R3HDM1: variants seen among roughly 807,000 people sequenced by gnomAD.
R3HDM1 encodes the protein R3H domain-containing protein 1.
R3HDM1 carries 46 observed loss-of-function variants against 141.1 expected under a neutral mutation model. The observed-to-expected ratio is 0.33, with a 90% CI of 0.26 to 0.42. R3HDM1 has a LOEUF of 0.42. R3HDM1 is among the 10% of genes least tolerant of loss of function. The probability of loss-of-function intolerance (pLI) is 1.00; values close to 1 mark genes in which losing one functional copy is unlikely to be tolerated. For synonymous variants in R3HDM1, 435 were observed against 472.9 expected (o/e 0.92, Z 1.04); for missense variants, 1,184 against 1,368.3 (o/e 0.87, Z 2.12).
intron 1 of R3HDM1, among the ~76,000 whole-genome samples, chr2:135,598,585 A>G (rs1180806281): frequency 1.3e-5 from 2 of 152,162 alleles, no homozygotes; most frequent in South Asian, 2.1e-4. Context: ...CCTGTTTTCC[A>G]TACTTACTGG....
At chr2:135,560,710 A>T (rs1008421717) in intron 1 of R3HDM1, among the ~76,000 whole-genome samples, 1 of 152,202 alleles carries the variant, frequency 6.6e-6, no homozygotes, top group Admixed American at 6.5e-5. Context: ...TAGAGACTTG[A>T]GGTGCTTATC....
rs2067774114 is a variant in R3HDM1 at position 135,667,895 on chromosome 2, TG to T, written c.2152+6503del. 6.8e-6 allele frequency: 3 copies of T among 439,980 alleles called. No homozygotes were observed. In the Admixed American group the frequency reaches 1.9e-4, roughly 28 times the overall value. 27.3% of individuals were successfully genotyped at this position (439,980 alleles called of 1,614,324 possible). On this transcript the variant is annotated intron_variant, in intron 19 of 26. Transcript: ENST00000683871. ...TAACCTACAATGCCACTTCTCTAGG[TG>T]TCACTCTGTAACGGTTCATGCCCAG...
Position 135,641,803 on chromosome 2 carries a change from A to G in R3HDM1, c.1474+13A>G. ...AACCCACAAACAGGTTGGTATCCAG[A>G]AAAAGGTGTTTCAGGAATTATCTGA... On this transcript the variant is annotated intron_variant, in intron 15 of 26. Coordinates refer to ENST00000683871, the MANE Select transcript of R3HDM1 (RefSeq NM_001378107.1). 1 of 1,577,656 alleles carries G rather than the reference A, an allele frequency of 6.3e-7. No individual in the cohort carries two copies. The highest frequency in any genetic ancestry group is 8.6e-7 in the Non-Finnish European group (1 of 1,164,790).
chr2:135,532,216 G>A (rs1477926317), intron 1 of R3HDM1, among the ~76,000 whole-genome samples: 3 of 152,342 alleles, frequency 2.0e-5, no homozygotes, highest in African/African-American at 7.2e-5. Flanking sequence ...CATTTTCCCT[G>A]TGGTACCAGA....
chr2:135,620,317 T>TA (rs1296558886), intron 5 of R3HDM1: 15 of 892,764 alleles, frequency 1.7e-5, no homozygotes, highest in Non-Finnish European at 1.9e-5. Context: ...CATTTCTAGA[T>TA]ACCTGTTTTA....
At chr2:135,554,432 T>A (rs1700357639) in intron 1 of R3HDM1, among the ~76,000 whole-genome samples, 2 of 152,256 alleles carry the variant, frequency 1.3e-5, no homozygotes, top group African/African-American at 2.4e-5. Flanking sequence ...TTGGGTTGTT[T>A]CTGTTTTTTG....
chr2:135,706,040 A>G (rs2105425260), intron 21 of R3HDM1, among the ~76,000 whole-genome samples: 1 of 152,002 alleles, frequency 6.6e-6, no homozygotes, highest in African/African-American at 2.4e-5. Context: ...GAGGCAGGAG[A>G]ATGGTATGAA....
intron 20 of R3HDM1, among the ~76,000 whole-genome samples, chr2:135,678,899 AC>A (rs2069712476): frequency 6.6e-6 from 1 of 151,006 alleles, no homozygotes; most frequent in Admixed American, 6.6e-5. Context: ...AACTGGGACT[AC>A]AGGCACGCGC....
At chr2:135,572,083 A>G (rs900286747) in intron 1 of R3HDM1, among the ~76,000 whole-genome samples, 3 of 152,102 alleles carry the variant, frequency 2.0e-5, no homozygotes. Context: ...GGCTTCTCCC[A>G]GGTGGCTGGG....
chr2:135,651,317 A>C, intron 17 of R3HDM1: 2 of 983,874 alleles, frequency 2.0e-6, no homozygotes, highest in Non-Finnish European at 2.4e-6. Flanking sequence ...AGATAGTTTA[A>C]AGCAAATACT....
In R3HDM1 at chr2:135,715,649, C is replaced by G; in HGVS notation, c.2836C>G (p.Leu946Val). 1 of 1,613,878 alleles carries G rather than the reference C, an allele frequency of 6.2e-7. No individual in the cohort carries two copies. Among genetic ancestry groups the G allele is most frequent in the East Asian group, 2.2e-5 (1 of 44,864 alleles). Reference sequence around the variant, plus strand: ...AACTGTACGTCCCTCTGGACCACCACTTTCCATCATGCCCCAATTTTCTAG... The same window carrying G: ...AACTGTACGTCCCTCTGGACCACCAGTTTCCATCATGCCCCAATTTTCTAG... The part of the protein sequence containing the change: ...LKTVRPSGPP[L>V]SIMPQFSRPF... Residue 946 changes from leucine to valine, a missense_variant, in exon 24 of 27, where the codon CTT becomes GTT. Around this residue, in one of 5 missense-constraint regions of R3HDM1, gnomAD observed 182 missense variants for 252.6 expected, o/e 0.72. Transcript: ENST00000683871.
chr2:135,563,358 A>G (rs992717932), intron 1 of R3HDM1, among the ~76,000 whole-genome samples: 4 of 152,206 alleles, frequency 2.6e-5, no homozygotes, highest in Non-Finnish European at 5.9e-5. Flanking sequence ...GAGAATGAGA[A>G]CTGTGTACAT....
chr2:135,676,480 G>C (rs369718887), intron 20 of R3HDM1, among the ~76,000 whole-genome samples: 1 of 152,002 alleles, frequency 6.6e-6, no homozygotes, highest in East Asian at 1.9e-4. Flanking sequence ...TATTTTATTA[G>C]CCTCATTGTT....
At chr2:135,595,653 C>T (rs1467169445) in intron 1 of R3HDM1, among the ~76,000 whole-genome samples, 1 of 152,140 alleles carries the variant, frequency 6.6e-6, no homozygotes, top group Non-Finnish European at 1.5e-5. Flanking sequence ...ATATTGCAAT[C>T]AGTTATTATC....
rs992445969 is a variant in R3HDM1 at position 135,651,510 on chromosome 2, C to A, written c.1726-220C>A. The A allele has an allele frequency of 3.8e-5, 36 of 952,324 alleles. No individual in the cohort carries two copies. The African/African-American group carries it at 5.4e-4, about 14-fold the overall frequency. 59.0% of individuals were successfully genotyped at this position (952,324 alleles called of 1,614,324 possible). A position where few individuals can be genotyped will look rare whatever the true frequency, so the allele number is the denominator to read the frequency against. On this transcript the variant is annotated intron_variant, in intron 17 of 26. Coordinates refer to ENST00000683871, the MANE Select transcript of R3HDM1 (RefSeq NM_001378107.1). ...CTCTTTTCTGCATGCTGTGCATTCC[C>A]ACTAGATATATTTTTTAAATAATTT...
intron 1 of R3HDM1, chr2:135,581,167 C>T (rs1559164419): frequency 6.1e-6 from 6 of 983,646 alleles, no homozygotes; most frequent in East Asian, 1.1e-4. Flanking sequence ...GAAATCTAAG[C>T]AGGAACTAAT....
chr2:135,568,147 C>T (rs1341469696), intron 1 of R3HDM1, among the ~76,000 whole-genome samples: 1 of 151,950 alleles, frequency 6.6e-6, no homozygotes, highest in African/African-American at 2.4e-5. Context: ...CCTCAACTTC[C>T]CCAGACTCAG....
At chr2:135,684,280 G>A (rs908055888) in intron 21 of R3HDM1, among the ~76,000 whole-genome samples, 2 of 152,038 alleles carry the variant, frequency 1.3e-5, no homozygotes, top group African/African-American at 4.8e-5. Flanking sequence ...TAGTAGAGAT[G>A]AGGTTTCACC....
rs1158586348 is a variant in R3HDM1, at chr2:135,649,938, C to T, written c.1660C>T (p.Gln554Ter). ...HPLQSSSQPV[Q>*]YSTAPYPSPF... ...TCTGCAGTCCTCTTCACAGCCTGTT[C>T]AGTACTCTACAGCCCCTTACCCATC... is the stretch of plus-strand genomic sequence containing the variant. The change falls in exon 17 of 27, where the codon CAG (glutamine) becomes TAG (stop). Residue 554 changes from glutamine (Q) to a stop codon, truncating the protein, a stop_gained. Transcript: ENST00000683871. LOFTEE classifies it high-confidence loss of function. 1.5e-6 allele frequency: 2 copies of T among 1,296,192 alleles called. No individual in the cohort carries two copies. Among genetic ancestry groups the T allele is most frequent in the African/African-American group, 3.0e-5 (2 of 65,788 alleles). The allele number at this position is 1,296,192 out of a possible 1,614,324, so 80.3% of individuals were successfully genotyped here. A position where few individuals can be genotyped will look rare whatever the true frequency, so the allele number is the denominator to read the frequency against.
Sources: allele counts gnomAD v4.1 joint callset (sites outside exome capture counted in the v4.1 genomes callset), GRCh38; gene constraint gnomAD v4.1.1; regional missense constraint gnomAD v4.1.1; transcripts MANE v1.5; gene names NCBI Gene and HGNC (gene_info 2026-07-23, HGNC 2026-07-21).